The following RBPJL variants were observed in gnomAD, a reference collection of about 807,000 sequenced individuals.
The protein encoded by RBPJL is recombining binding protein suppressor of hairless-like protein.
A neutral mutation model predicts 57.6 loss-of-function variants in RBPJL; 50 were observed. That is an observed-to-expected ratio of 0.87 (90% CI 0.69 to 1.10). The LOEUF (loss-of-function observed/expected upper bound fraction) is 1.10, where lower values mean the gene tolerates loss of function less well. Among genes scored for constraint, RBPJL ranks in the 50% least tolerant of loss-of-function variants. RBPJL has a pLI of 0.00. For synonymous variants in RBPJL, 303 were observed against 294.4 expected (o/e 1.03, Z -0.30); for missense variants, 684 against 693.7 (o/e 0.99, Z 0.16).
chr20:45,308,406 C>T (rs1020161111), intron 2 of RBPJL, 155 bp downstream of exon 2: 1 of 602,690 alleles, frequency 1.7e-6, no homozygotes, highest in African/African-American at 1.8e-5. Context: ...CCCCTTCCTC[C>T]TGAGGGGGGG....
In RBPJL at chr20:45,316,565, C is replaced by G. The variant is rs1478229410; in HGVS notation, c.1265C>G (p.Ala422Gly). ...GLKVWFGDVE[A>G]ETMYRSPRSL... ...AAGGTGTGGTTTGGGGACGTGGAGGCAGAAACCATGTACAGGTACGGGGTG... is the reference window on the plus strand; with the variant it reads ...AAGGTGTGGTTTGGGGACGTGGAGGGAGAAACCATGTACAGGTACGGGGTG... The change falls in exon 11 of 12, where the codon GCA becomes GGA. Residue 422 changes from alanine (A) to glycine (G), a missense_variant. Coordinates refer to ENST00000343694, the MANE Select transcript of RBPJL (RefSeq NM_014276.4). The G allele has an allele frequency of 3.3e-6, 5 of 1,534,546 alleles. No homozygotes were observed. The highest frequency in any genetic ancestry group is 4.4e-6 in the Non-Finnish European group (5 of 1,141,190).
intron 9 of RBPJL, among the ~76,000 whole-genome samples, chr20:45,315,601 C>G (rs6032109): frequency 1.3e-5 from 2 of 151,428 alleles, no homozygotes; most frequent in South Asian, 4.2e-4. Context: ...ATTATTTGGG[C>G]GTGGTGGCTG....
intron 2 of RBPJL, 44 bp downstream of exon 2, chr20:45,308,295 C>A: frequency 7.6e-7 from 1 of 1,314,536 alleles, no homozygotes; most frequent in Non-Finnish European, 1.1e-6. Flanking sequence ...GACTGCCAGG[C>A]AGCTGGAGCA....
chr20:45,309,530 C>T (rs765145188), intron 2 of RBPJL, 37 bp from the exon 3 acceptor site: 7 of 1,586,254 alleles, frequency 4.4e-6, no homozygotes. Context: ...ACCCTTCTCC[C>T]TCCTGTGGCT....
rs115871391 is a variant in RBPJL at position 45,316,134 on chromosome 20, A to G, written c.1021-53A>G. On this transcript the variant is annotated intron_variant, in intron 9 of 11. Transcript: ENST00000343694. Reference sequence around the variant, plus strand: ...CCCACGCGCCATGCTGGCTCCCTACACTGGTGGCCACCATGAGAAGCTTCG... The same window carrying G: ...CCCACGCGCCATGCTGGCTCCCTACGCTGGTGGCCACCATGAGAAGCTTCG... 6,609 of 1,581,220 alleles carry G rather than the reference A, an allele frequency of 4.2e-3. 97 individuals carry two copies. The African/African-American group carries it at 0.047, about 11-fold the overall frequency.
chr20:45,313,266 C>T (rs1987280122), intron 6 of RBPJL, among the ~76,000 whole-genome samples: 1 of 152,024 alleles, frequency 6.6e-6, no homozygotes, highest in Non-Finnish European at 1.5e-5. Flanking sequence ...TTAACCCTCA[C>T]CCTGACCCCC....
rs1389414601 is a variant in RBPJL, at chr20:45,309,592, C to G, written c.157C>G (p.Leu53Val). The change falls in exon 3 of 12, where the codon CTG becomes GTG. Residue 53 changes from leucine to valine, a missense_variant. Leu to Val is a conservative substitution (Grantham distance 32). Coordinates refer to ENST00000343694, the MANE Select transcript of RBPJL (RefSeq NM_014276.4). The part of the protein sequence containing the change: ...TRSSPEHTTI[L>V]RGGVRRCLQQ... Reference sequence around the variant, plus strand: ...GTCATCCCCAGAGCACACCACCATTCTGAGGGGAGGCGTGCGCAGGTGCCT... The same window carrying G: ...GTCATCCCCAGAGCACACCACCATTGTGAGGGGAGGCGTGCGCAGGTGCCT... The G allele has an allele frequency of 1.2e-6, 2 of 1,612,838 alleles. No homozygotes were observed. Among genetic ancestry groups the G allele is most frequent in the Non-Finnish European group, 1.7e-6 (2 of 1,179,424 alleles).
Position 45,306,911 on chromosome 20 carries a change from C to G in RBPJL, c.-12C>G. ...GGCGGCGGGTGAGCGGCTGGGGCCC[C>G]GTGGAGCCACCATGGACCCCGCAGG... is the stretch of plus-strand genomic sequence containing the variant. On this transcript the variant is annotated 5_prime_UTR_variant, in exon 1 of 12. Transcript: ENST00000343694. The G allele has an allele frequency of 1.9e-5, 24 of 1,256,064 alleles. No individual in the cohort carries two copies. Among genetic ancestry groups the G allele is most frequent in the Non-Finnish European group, 2.4e-5 (24 of 992,816 alleles). 77.8% of individuals were successfully genotyped at this position (1,256,064 alleles called of 1,614,324 possible). A position where few individuals can be genotyped will look rare whatever the true frequency, so the allele number is the denominator to read the frequency against.
Position 45,311,650 on chromosome 20 carries a change from C to A in RBPJL, c.319C>A (p.Gln107Lys). Reference protein sequence around the residue: ...SGPGWRVKPGQDQAHQAGETG... With the variant: ...SGPGWRVKPGKDQAHQAGETG... ...GCCTGGCTGGAGGGTGAAGCCAGGG[C>A]AGGATCAAGGTGAGGGCGGAATCAA... The change falls in exon 4 of 12, where the codon CAG (glutamine) becomes AAG (lysine). Residue 107 changes from glutamine to lysine, a missense_variant. Coordinates refer to ENST00000343694, the MANE Select transcript of RBPJL (RefSeq NM_014276.4). 6.2e-7 allele frequency: 1 copy of A among 1,614,102 alleles called. No homozygotes were observed. The highest frequency in any genetic ancestry group is 8.5e-7 in the Non-Finnish European group (1 of 1,180,010).
At chr20:45,315,263 A>T (rs553918085) in intron 9 of RBPJL, among the ~76,000 whole-genome samples, 12 of 152,220 alleles carry the variant, frequency 7.9e-5, no homozygotes, top group Non-Finnish European at 1.5e-4. Flanking sequence ...TAGTACTCCC[A>T]AAAGAATATT....
intron 2 of RBPJL, among the ~76,000 whole-genome samples, chr20:45,309,114 C>G (rs2145685186): frequency 6.6e-6 from 1 of 152,070 alleles, no homozygotes; most frequent in South Asian, 2.1e-4. Flanking sequence ...AAGGCTCTCC[C>G]TTCCCCTCCC....
Position 45,316,891 on chromosome 20 carries a change from G to T in RBPJL, c.1486G>T (p.Asp496Tyr). 1 of 1,613,678 alleles carries T rather than the reference G, an allele frequency of 6.2e-7. No homozygotes were observed. The highest frequency in any genetic ancestry group is 1.1e-5 in the South Asian group (1 of 91,038). Reference protein sequence around the residue: ...PGVPEPATDADALLESIHQEF... With the variant: ...PGVPEPATDAYALLESIHQEF... ...CGTCCCCGAGCCCGCCACCGACGCC[G>T]ACGCGCTCCTGGAGAGCATCCATCA... The change falls in exon 12 of 12, where the codon GAC becomes TAC. Residue 496 changes from aspartate (D) to tyrosine (Y), a missense_variant. Physicochemically the swap from Asp to Tyr is radical, Grantham distance 160. Coordinates refer to ENST00000343694, the MANE Select transcript of RBPJL (RefSeq NM_014276.4).
rs1410959667 is a variant in RBPJL at position 45,311,883 on chromosome 20, G to A, written c.373G>A (p.Gly125Arg). ...GGGGCCCACGGTCTGCGGTTACATG[G>A]GACTGGACAGCGCGTCCGGCAGCGC... ...ETGPTVCGYM[G>R]LDSASGSATE... Residue 125 changes from glycine to arginine, a missense_variant, in exon 5 of 12, where the codon GGA becomes AGA. Transcript: ENST00000343694. 9.0e-6 allele frequency: 14 copies of A among 1,551,598 alleles called. No individual in the cohort carries two copies. The highest frequency in any genetic ancestry group is 1.4e-5 in the African/African-American group (1 of 73,044).
chr20:45,315,817 GAAAGA>G (rs1416026722), intron 9 of RBPJL: 1 of 137,986 alleles, frequency 7.2e-6, no homozygotes, highest in East Asian at 1.6e-4. Flanking sequence ...AAGAAAGAAA[GAAAGA>G]AAAGAAAGAG....
At position 45,317,363 on chromosome 20, in the gene RBPJL, A is replaced by G. The variant is rs1987527833; in HGVS notation, c.*404A>G. On this transcript the variant is annotated 3_prime_UTR_variant, in exon 12 of 12. Transcript: ENST00000343694. ...CAATTTTACATGCCCCGAGGAGCCA[A>G]GTTTGGGACATTTACCCTCCAGGCA... The G allele has an allele frequency of 5.1e-6, 1 of 197,444 alleles. No homozygotes were observed. The highest frequency in any genetic ancestry group is 1.3e-4 in the East Asian group (1 of 7,722). 12.2% of individuals were successfully genotyped at this position (197,444 alleles called of 1,614,324 possible). A position where few individuals can be genotyped will look rare whatever the true frequency, so the allele number is the denominator to read the frequency against.
rs768276420 is a variant in RBPJL, at chr20:45,313,594, C to T, written c.746C>T (p.Thr249Met). ...AGTGCACGACAGTGGGCTGCCTTCA[C>T]GCTCCACCTGGGTAATGACATCTGC... ...VASARQWAAF[T>M]LHLADGHSAQ... is the part of the protein sequence containing the mutation. Residue 249 changes from threonine to methionine, a missense_variant, in exon 7 of 12, where the codon ACG (threonine) becomes ATG (methionine). Thr to Met is a moderately conservative substitution (Grantham distance 81, BLOSUM62 -1). Transcript: ENST00000343694. The T allele has an allele frequency of 1.2e-5, 19 of 1,609,302 alleles. No homozygotes were observed. The highest frequency in any genetic ancestry group is 3.3e-5 in the South Asian group (3 of 90,472).
At chr20:45,312,150 T>G in intron 5 of RBPJL, 71 bp from the exon 6 acceptor site, 1 of 1,605,462 alleles carries the variant, frequency 6.2e-7, no homozygotes, top group African/African-American at 1.3e-5. Context: ...ACGTCCGATA[T>G]CTGGGAGAGG....
At position 45,314,461 on chromosome 20, in the gene RBPJL, C is replaced by T. The variant is rs756739719; in HGVS notation, c.916C>T (p.Pro306Ser). The T allele has an allele frequency of 1.9e-6, 3 of 1,614,188 alleles. No individual in the cohort carries two copies. The East Asian group carries it at 6.7e-5, about 36-fold the overall frequency. Residue 306 changes from proline (P) to serine (S), a missense_variant, in exon 9 of 12, where the codon CCC (proline) becomes TCC (serine). Coordinates refer to ENST00000343694, the MANE Select transcript of RBPJL (RefSeq NM_014276.4). ...GTGTGCGCTCCTTGATGTGGATGAGCCCATCTCCCAGCTGCACAAGTGTGC... is the reference window on the plus strand; with the variant it reads ...GTGTGCGCTCCTTGATGTGGATGAGTCCATCTCCCAGCTGCACAAGTGTGC... Reference protein sequence around the residue: ...KQCALLDVDEPISQLHKCAFQ... With the variant: ...KQCALLDVDESISQLHKCAFQ...
At chr20:45,308,809 G>A (rs369828755) in intron 2 of RBPJL, among the ~76,000 whole-genome samples, 28 of 151,170 alleles carry the variant, frequency 1.9e-4, no homozygotes, top group Non-Finnish European at 3.8e-4. Flanking sequence ...GCAATTGCTC[G>A]GGCCTACCCA....
Sources: gnomAD v4.1 joint callset for allele counts (sites outside exome capture counted in the v4.1 genomes callset) on GRCh38, gnomAD v4.1.1 for gene constraint, MANE v1.5 for transcripts, NCBI Gene and HGNC (gene_info 2026-07-23, HGNC 2026-07-21) for gene names.